The following DPY19L2 variants were observed in gnomAD, a reference collection of about 807,000 sequenced individuals.
DPY19L2 encodes the protein probable C-mannosyltransferase DPY19L2.
A neutral mutation model predicts 97.9 loss-of-function variants in DPY19L2; 34 were observed. The ratio of observed to expected loss-of-function variants is 0.35; its 90% CI spans 0.26 to 0.46. The LOEUF (loss-of-function observed/expected upper bound fraction) is 0.46. Among genes scored for constraint, DPY19L2 ranks in the 20% least tolerant of loss-of-function variants. The pLI is 1.00. For missense variants in DPY19L2, 623 were observed against 911.4 expected, an observed-to-expected ratio of 0.68 and a Z score of 4.07; for synonymous variants, 230 against 307.9, an observed-to-expected ratio of 0.75 and a Z score of 2.65.
chr12:63,662,207 T>A (rs888612510), intron 3 of DPY19L2, among the ~76,000 whole-genome samples: 1 of 152,136 alleles, frequency 6.6e-6, no homozygotes, highest in African/African-American at 2.4e-5. Flanking sequence ...CCAACACAAT[T>A]TCTTGCTTTC....
intron 16 of DPY19L2, among the ~76,000 whole-genome samples, chr12:63,586,689 T>C (rs1881850718): frequency 6.6e-6 from 1 of 152,198 alleles, no homozygotes; most frequent in Non-Finnish European, 1.5e-5. Flanking sequence ...GAGTTAATAC[T>C]GGTAAGAAGC....
intron 4 of DPY19L2, among the ~76,000 whole-genome samples, chr12:63,659,963 A>G (rs151121504): frequency 0.017 from 2,611 of 152,254 alleles, 80 homozygotes; most frequent in African/African-American, 0.06. Flanking sequence ...ATTTATCCCC[A>G]TAAATAAGGG....
intron 7 of DPY19L2, among the ~76,000 whole-genome samples, chr12:63,625,592 C>A (rs1889397509): frequency 6.6e-6 from 1 of 152,082 alleles, no homozygotes; most frequent in Non-Finnish European, 1.5e-5. Context: ...CTTCTATGAG[C>A]TCTTTTTTAG....
chr12:63,583,346 A>C (rs952554415), intron 17 of DPY19L2, among the ~76,000 whole-genome samples: 2 of 152,168 alleles, frequency 1.3e-5, no homozygotes, highest in Non-Finnish European at 2.9e-5. Flanking sequence ...ACACCATATA[A>C]AATGTTGTCT....
chr12:63,648,788 A>G (rs1893785106), intron 4 of DPY19L2, among the ~76,000 whole-genome samples: 1 of 152,056 alleles, frequency 6.6e-6, no homozygotes, highest in South Asian at 2.1e-4. Context: ...ATAATACTCA[A>G]AATATCTAGG....
intron 6 of DPY19L2, among the ~76,000 whole-genome samples, chr12:63,633,434 AT>A (rs1184025081): frequency 6.6e-6 from 1 of 152,234 alleles, no homozygotes; most frequent in East Asian, 1.9e-4. Flanking sequence ...AAAAGAAGAC[AT>A]TTATGCAGCC....
chr12:63,593,338 C>T (rs1883499976), intron 16 of DPY19L2, among the ~76,000 whole-genome samples: 1 of 152,140 alleles, frequency 6.6e-6, no homozygotes, highest in African/African-American at 2.4e-5. Flanking sequence ...GACACTTGCA[C>T]ACGTATGTTT....
At chr12:63,591,988 A>C (rs1473929418) in intron 16 of DPY19L2, among the ~76,000 whole-genome samples, 1 of 35,864 alleles carries the variant, frequency 2.8e-5, no homozygotes, top group Non-Finnish European at 4.5e-5. Context: ...GGGGAAGGGA[A>C]GGGAAGGGAG....
intron 4 of DPY19L2, among the ~76,000 whole-genome samples, chr12:63,649,038 C>A (rs1386730202): frequency 2.0e-5 from 3 of 152,074 alleles, no homozygotes. Context: ...CTCAAAACCA[C>A]ATAATTACAC....
intron 4 of DPY19L2, 184 bp downstream of exon 4, chr12:63,661,160 G>A (rs1895623958): frequency 6.4e-6 from 3 of 466,716 alleles, no homozygotes; most frequent in African/African-American, 4.1e-5. Context: ...GTTCATGAGA[G>A]AACAGTTTCT....
intron 14 of DPY19L2, among the ~76,000 whole-genome samples, chr12:63,597,064 C>T (rs1374279425): frequency 6.6e-6 from 1 of 152,024 alleles, no homozygotes; most frequent in East Asian, 1.9e-4. Flanking sequence ...TCTCCACCTC[C>T]AGGGTTCAAG....
Position 63,580,760 on chromosome 12 carries a change from C to A in DPY19L2, c.1802G>T (p.Gly601Val). ...FGILTVMSIQ[G>V]YANLRNQWSI... Reference sequence around the variant, plus strand: ...CCATTGATTACGGAGGTTTGCATAACCTTGTATTGACATCACTGTTAAAAT... The same window carrying A: ...CCATTGATTACGGAGGTTTGCATAAACTTGTATTGACATCACTGTTAAAAT... Residue 601 changes from glycine (G) to valine (V), a missense_variant, in exon 19 of 22, where the codon GGT becomes GTT. By Grantham distance (109) the Gly-to-Val change is moderately radical (BLOSUM62 -3). Coordinates refer to ENST00000324472, the MANE Select transcript of DPY19L2 (RefSeq NM_173812.5). 3 of 1,613,616 alleles carry A rather than the reference C, an allele frequency of 1.9e-6. No homozygotes were observed. Among genetic ancestry groups the A allele is most frequent in the Non-Finnish European group, 1.7e-6 (2 of 1,179,682 alleles).
chr12:63,580,886 T>C (rs1880764163), intron 18 of DPY19L2, 50 bp from the exon 19 acceptor site: 20 of 1,565,566 alleles, frequency 1.3e-5, no homozygotes, highest in Non-Finnish European at 1.6e-5. Context: ...AAGAGTACCG[T>C]AGGGTCAACA....
At chr12:63,607,113 A>G (rs1008877255) in intron 12 of DPY19L2, among the ~76,000 whole-genome samples, 1 of 152,012 alleles carries the variant, frequency 6.6e-6, no homozygotes. Context: ...TGTTTCTTTG[A>G]TATTCTTGAT....
At chr12:63,575,798 T>A (rs1879705736) in intron 19 of DPY19L2, among the ~76,000 whole-genome samples, 1 of 151,924 alleles carries the variant, frequency 6.6e-6, no homozygotes, top group African/African-American at 2.4e-5. Context: ...AAATCTCTAA[T>A]CAAAAGTCTC....
intron 16 of DPY19L2, among the ~76,000 whole-genome samples, chr12:63,587,861 GAA>G (rs2137418675): frequency 1.3e-5 from 2 of 152,096 alleles, no homozygotes; most frequent in Admixed American, 1.3e-4. Flanking sequence ...ATGAGCCACC[GAA>G]CCCGGCCTAA....
intron 12 of DPY19L2, among the ~76,000 whole-genome samples, chr12:63,603,465 A>C (rs192944478): frequency 1.4e-4 from 21 of 152,206 alleles, no homozygotes; most frequent in Admixed American, 9.2e-4. Flanking sequence ...CTATCAACCC[A>C]TTACCTAGGT....
intron 6 of DPY19L2, among the ~76,000 whole-genome samples, chr12:63,642,291 G>C (rs901688500): frequency 2.6e-5 from 4 of 151,866 alleles, no homozygotes; most frequent in Non-Finnish European, 5.9e-5. Flanking sequence ...CTCACTTTGT[G>C]GTTTATTTTT....
Position 63,608,671 on chromosome 12 carries a change from A to G in DPY19L2, c.1223T>C (p.Ile408Thr), listed in dbSNP as rs1182213845. Reference sequence around the variant, plus strand: ...TTGAATTTCATTTCTCTTTAGAATTATTGCCTAAAATGCACATAAGGGAAA... The same window carrying G: ...TTGAATTTCATTTCTCTTTAGAATTGTTGCCTAAAATGCACATAAGGGAAA... ...YSSSLLMTWAIILKRNEIQKL... is the reference protein window; with the variant it reads ...YSSSLLMTWATILKRNEIQKL... Residue 408 changes from isoleucine to threonine, a missense_variant, in exon 12 of 22, where the codon ATA becomes ACA. Ile to Thr is a moderately conservative substitution (Grantham distance 89, BLOSUM62 -1). Around this residue, in one of 6 missense-constraint regions of DPY19L2, gnomAD observed 294 missense variants for 446.2 expected, o/e 0.66. Transcript: ENST00000324472. 2.8e-6 allele frequency: 4 copies of G among 1,416,928 alleles called. No individual in the cohort carries two copies. The highest frequency in any genetic ancestry group is 3.9e-6 in the Non-Finnish European group (4 of 1,025,210). 87.8% of individuals were successfully genotyped at this position (1,416,928 alleles called of 1,614,324 possible).
Sources: gnomAD v4.1 joint callset for allele counts (sites outside exome capture counted in the v4.1 genomes callset) on GRCh38, gnomAD v4.1.1 for gene constraint, gnomAD v4.1.1 regional missense constraint, MANE v1.5 for transcripts, NCBI Gene and HGNC (gene_info 2026-07-23, HGNC 2026-07-21) for gene names.